The following COL3A1 variants were observed in gnomAD, a reference collection of about 807,000 sequenced individuals.
COL3A1 encodes collagen alpha-1(III) chain.
In COL3A1, 46 loss-of-function variants were observed where a neutral mutation model predicts 200.9. The observed-to-expected ratio is 0.23, with a 90% CI of 0.18 to 0.29. COL3A1 has a LOEUF of 0.29. Among genes scored for constraint, COL3A1 ranks in the 10% least tolerant of loss-of-function variants. The pLI, the probability that COL3A1 is intolerant of heterozygous loss-of-function variation, is 1.00. For synonymous variants in COL3A1, 650 were observed against 628.0 expected, an observed-to-expected ratio of 1.03 and a Z score of -0.52; for missense variants, 1,367 against 1,917.6, an observed-to-expected ratio of 0.71 and a Z score of 5.36.
intron 26 of COL3A1, 29 bp from the exon 27 acceptor site, chr2:188,997,671 C>T (rs1484986242): frequency 2.5e-6 from 4 of 1,602,912 alleles, no homozygotes; most frequent in Non-Finnish European, 3.4e-6. Flanking sequence ...AGGATGTTTA[C>T]AACAGAGTGT....
intron 24 of COL3A1, 76 bp from the exon 25 acceptor site, chr2:188,997,061 TATATATATGAGACATATATATATGAGAC>T: frequency 2.7e-6 from 2 of 743,108 alleles, no homozygotes; most frequent in Non-Finnish European, 4.8e-6. Context: ...ATATGAGACA[TATATATATGAGACATATATATATGAGAC>T]ATATATATAT....
In COL3A1 at chr2:188,993,473, T is replaced by C; in HGVS notation, c.1149+14T>C. The C allele has an allele frequency of 1.3e-6, 2 of 1,538,122 alleles. No homozygotes were observed. The highest frequency in any genetic ancestry group is 1.4e-5 in the African/African-American group (1 of 72,714). ...CAAGGTCCTCCTGTAAGTATCATAGTTGAGAGGGAGTAAGCATAGTTTCAT... is the reference window on the plus strand; with the variant it reads ...CAAGGTCCTCCTGTAAGTATCATAGCTGAGAGGGAGTAAGCATAGTTTCAT... On this transcript the variant is annotated intron_variant, in intron 16 of 50. Transcript: ENST00000304636.
chr2:188,994,891 AC>A lies in COL3A1; in HGVS notation c.1455+62del. 6.3e-7 allele frequency: 1 copy of A among 1,591,730 alleles called. No homozygotes were observed. ...GCATCACTGTCATCTAAATAAAACT[AC>A]CTTCAGGGTGAGACAGCCAATTTTT... On this transcript the variant is annotated intron_variant, in intron 20 of 50. Transcript: ENST00000304636. This position sits in a 1 kb window ranked among gnomAD's most constrained non-coding sequence, Gnocchi z 4.5.
intron 49 of COL3A1, 66 bp from the exon 50 acceptor site, chr2:189,010,582 A>G: frequency 6.2e-7 from 1 of 1,601,022 alleles, no homozygotes; most frequent in Non-Finnish European, 8.6e-7. Flanking sequence ...TACACATACT[A>G]CATGAATCCC....
intron 48 of COL3A1, among the ~76,000 whole-genome samples, chr2:189,009,472 GTTAT>G (rs760086674): frequency 1.6e-4 from 21 of 135,184 alleles, no homozygotes; most frequent in Admixed American, 4.9e-4. Context: ...TAAATTGTAA[GTTAT>G]TTGAGTATAA....
In COL3A1 at chr2:188,998,282, G is replaced by A. The variant is rs1487398394; in HGVS notation, c.1940G>A (p.Gly647Asp). The part of the protein sequence containing the change: ...PQGLQGLPGT[G>D]GPPGENGKPG... ...TCTTTCTAGGGCTTGCCTGGTACAGGTGGTCCTCCAGGAGAAAATGGAAAA... is the reference window on the plus strand; with the variant it reads ...TCTTTCTAGGGCTTGCCTGGTACAGATGGTCCTCCAGGAGAAAATGGAAAA... The change falls in exon 28 of 51, where the codon GGT (glycine) becomes GAT (aspartate). Residue 647 changes from glycine (G) to aspartate (D), a missense_variant. Gly to Asp is a moderately conservative substitution (Grantham distance 94). Coordinates refer to ENST00000304636, the MANE Select transcript of COL3A1 (RefSeq NM_000090.4). 3.7e-6 allele frequency: 6 copies of A among 1,613,704 alleles called. No individual in the cohort carries two copies. Among genetic ancestry groups the A allele is most frequent in the South Asian group, 1.1e-5 (1 of 91,038 alleles).
At position 189,005,427 on chromosome 2, in the gene COL3A1, G is replaced by T. The variant is rs762167409; in HGVS notation, c.3009G>T (p.Leu1003=). ...GPPGPQGLPG[L]AGTAGEPGRD... Reference sequence around the variant, plus strand: ...CTGGACCCCAGGGTCTTCCTGGTCTGGCTGGTACAGCTGGTGAACCTGGAA... The same window carrying T: ...CTGGACCCCAGGGTCTTCCTGGTCTTGCTGGTACAGCTGGTGAACCTGGAA... Residue 1003 remains leucine (L), a synonymous_variant, in exon 41 of 51, where the codon CTG becomes CTT. Transcript: ENST00000304636. 11 of 1,614,092 alleles carry T rather than the reference G, an allele frequency of 6.8e-6. No individual in the cohort carries two copies. Among genetic ancestry groups the T allele is most frequent in the Non-Finnish European group, 7.6e-6 (9 of 1,179,978 alleles).
intron 1 of COL3A1, among the ~76,000 whole-genome samples, chr2:188,975,514 C>T (rs75957623): frequency 6.6e-6 from 1 of 152,092 alleles, no homozygotes; most frequent in Admixed American, 6.5e-5. Flanking sequence ...TATTTAAGTG[C>T]TAAATGTAAA....
At position 188,992,208 on chromosome 2, in the gene COL3A1, C is replaced by T. The variant is rs587779607; in HGVS notation, c.976C>T (p.Arg326Ter). 6.2e-7 allele frequency: 1 copy of T among 1,613,656 alleles called. No homozygotes were observed. Residue 326 changes from arginine (R) to a stop codon, truncating the protein, a stop_gained, in exon 14 of 51, where the codon CGA becomes TGA. Transcript: ENST00000304636. LOFTEE classifies it high-confidence loss of function. ...AAGARGNDGA[R>*]GSDGQPGPPG... Reference sequence around the variant, plus strand: ...GGGTGCTCGGGGTAATGACGGTGCTCGAGGCAGTGATGGTCAACCAGTAAG... The same window carrying T: ...GGGTGCTCGGGGTAATGACGGTGCTTGAGGCAGTGATGGTCAACCAGTAAG...
chr2:189,006,553 C>A, intron 43 of COL3A1, 101 bp downstream of exon 43: 1 of 1,114,904 alleles, frequency 9.0e-7, no homozygotes, highest in Non-Finnish European at 1.3e-6. Flanking sequence ...CCAAAATATC[C>A]ACTGTCATTT....
rs561769044 is a variant in COL3A1 at position 188,977,227 on chromosome 2, A to G, written c.79+2659A>G. On this transcript the variant is annotated intron_variant, in intron 1 of 50. Transcript: ENST00000304636. ...GTTAGATAGATTATAGACAGCTGTT[A>G]CTAAGTAATACTGCTCCATTAGGGC... 2.6e-5 allele frequency among the ~76,000 whole-genome samples: 4 copies of G among 152,232 alleles called. No homozygotes were observed. The South Asian group carries it at 8.3e-4, about 32-fold the overall frequency.
intron 13 of COL3A1, 56 bp from the exon 14 acceptor site, chr2:188,992,128 C>T: frequency 8.3e-6 from 13 of 1,567,388 alleles, no homozygotes; most frequent in South Asian, 1.1e-5. Context: ...CAAAATATTA[C>T]TCATGACCAG....
Position 188,997,744 on chromosome 2 carries a change from A to G in COL3A1, c.1914A>G (p.Gln638=). Residue 638 remains glutamine (Q), a synonymous_variant, in exon 27 of 51, where the codon CAA becomes CAG. Transcript: ENST00000304636. ...DKGDTGPPGP[Q]GLQGLPGTGG... is the part of the protein sequence containing the mutation. ...GAGACACAGGACCCCCTGGTCCACA[A>G]GGATTACAAGTAAGAACTTGTTATT... The G allele has an allele frequency of 6.2e-7, 1 of 1,614,016 alleles. No homozygotes were observed. Among genetic ancestry groups the G allele is most frequent in the Non-Finnish European group, 8.5e-7 (1 of 1,179,872 alleles).
In COL3A1 at chr2:189,004,075, G is replaced by A. The variant is rs780134152; in HGVS notation, c.2755G>A (p.Val919Met). Reference sequence around the variant, plus strand: ...CACTGGTGCTCCTGGCAGCCCTGGAGTGTCTGGACCAAAAGGTGATGCTGG... The same window carrying A: ...CACTGGTGCTCCTGGCAGCCCTGGAATGTCTGGACCAAAAGGTGATGCTGG... ...GNTGAPGSPG[V>M]SGPKGDAGQP... Residue 919 changes from valine to methionine, a missense_variant, in exon 39 of 51, where the codon GTG becomes ATG. Val to Met is a conservative substitution (Grantham distance 21). Coordinates refer to ENST00000304636, the MANE Select transcript of COL3A1 (RefSeq NM_000090.4). The A allele has an allele frequency of 6.2e-7, 1 of 1,613,554 alleles. No individual in the cohort carries two copies. Among genetic ancestry groups the A allele is most frequent in the Non-Finnish European group, 8.5e-7 (1 of 1,180,000 alleles).
intron 21 of COL3A1, 95 bp downstream of exon 21, chr2:188,995,194 A>C: frequency 8.4e-7 from 1 of 1,191,702 alleles, no homozygotes; most frequent in Non-Finnish European, 1.2e-6. Flanking sequence ...TAAATATCTG[A>C]AGAATATATA....
intron 3 of COL3A1, among the ~76,000 whole-genome samples, 155 bp downstream of exon 3, chr2:188,985,402 A>G (rs571127157): frequency 2.4e-4 from 36 of 152,144 alleles, no homozygotes; most frequent in African/African-American, 8.7e-4. Flanking sequence ...CCATAATTGT[A>G]CGTGTAAAGA....
At chr2:189,005,828 G>C (rs1189824868) in intron 41 of COL3A1, among the ~76,000 whole-genome samples, 1 of 152,012 alleles carries the variant, frequency 6.6e-6, no homozygotes, top group East Asian at 1.9e-4. Context: ...AATCATAATT[G>C]TATACATTTA....
intron 3 of COL3A1, 100 bp downstream of exon 3, chr2:188,985,347 A>G: frequency 1.1e-6 from 1 of 908,380 alleles, no homozygotes; most frequent in Admixed American, 1.9e-5. Flanking sequence ...CATTCTCTTC[A>G]TTACCACATA....
At position 188,997,402 on chromosome 2, in the gene COL3A1, A is replaced by T. The variant is rs376811688; in HGVS notation, c.1869+13A>T. The T allele has an allele frequency of 5.0e-6, 8 of 1,612,828 alleles. No homozygotes were observed. In the African/African-American group the frequency reaches 6.7e-5, roughly 13 times the overall value. ...CCCAGGGCCTACTGTAAGTTCACTCATATAAAATTGGAGATGAAAATAGGG... is the reference window on the plus strand; with the variant it reads ...CCCAGGGCCTACTGTAAGTTCACTCTTATAAAATTGGAGATGAAAATAGGG... On this transcript the variant is annotated intron_variant, in intron 26 of 50. Coordinates refer to ENST00000304636, the MANE Select transcript of COL3A1 (RefSeq NM_000090.4).
Sources: gnomAD v4.1 joint callset for allele counts (sites outside exome capture counted in the v4.1 genomes callset) on GRCh38, gnomAD v4.1.1 for gene constraint, Gnocchi (gnomAD v3.1) non-coding constraint, MANE v1.5 for transcripts, NCBI Gene and HGNC (gene_info 2026-07-23, HGNC 2026-07-21) for gene names.